TMEFF1: variants seen among roughly 807,000 people sequenced by gnomAD.
TMEFF1 encodes the protein tomoregulin-1.
In TMEFF1, 20 loss-of-function variants were observed where a neutral mutation model predicts 47.5. The observed-to-expected ratio is 0.42, with a 90% CI of 0.30 to 0.61. TMEFF1 has a LOEUF of 0.61. TMEFF1 is among the 20% of genes least tolerant of loss of function. The pLI is 0.19. For synonymous variants in TMEFF1, 162 were observed against 166.3 expected (o/e 0.97, Z 0.20); for missense variants, 411 against 471.1 (o/e 0.87, Z 1.18).
At chr9:100,513,213 A>G (rs1838000294) in intron 3 of TMEFF1, 94 bp from the exon 4 acceptor site, 1 of 1,518,500 alleles carries the variant, frequency 6.6e-7, no homozygotes, top group Non-Finnish European at 8.9e-7. Flanking sequence ...GAGAATGGAT[A>G]TCACAGTTTT....
At chr9:100,548,844 T>G (rs1411447531) in intron 6 of TMEFF1, among the ~76,000 whole-genome samples, 1 of 151,942 alleles carries the variant, frequency 6.6e-6, no homozygotes, top group African/African-American at 2.4e-5. Context: ...AGGAGTTGAG[T>G]GTGGGCATGA....
intron 1 of TMEFF1, among the ~76,000 whole-genome samples, chr9:100,488,795 AG>A (rs1233361488): frequency 1.3e-5 from 2 of 152,208 alleles, no homozygotes; most frequent in South Asian, 2.1e-4. Flanking sequence ...GTCTGATGCC[AG>A]GGTGTCCCTC....
intron 8 of TMEFF1, among the ~76,000 whole-genome samples, chr9:100,568,199 A>G (rs1839161873): frequency 6.6e-6 from 1 of 152,198 alleles, no homozygotes; most frequent in Admixed American, 6.5e-5. Context: ...GGGATGATAT[A>G]TGGCCTATTG....
At chr9:100,519,250 A>G (rs998660211) in intron 5 of TMEFF1, among the ~76,000 whole-genome samples, 4 of 152,038 alleles carry the variant, frequency 2.6e-5, no homozygotes, top group African/African-American at 9.7e-5. Context: ...TCTAATAAAA[A>G]TACAAAAATT....
chr9:100,490,596 AAGG>A (rs1216250557), intron 1 of TMEFF1, among the ~76,000 whole-genome samples: 1 of 152,198 alleles, frequency 6.6e-6, no homozygotes, highest in Admixed American at 6.5e-5. Context: ...ATTATTCTAA[AAGG>A]AGAACTACCA....
chr9:100,547,918 G>T, intron 6 of TMEFF1, 26 bp downstream of exon 6: 2 of 1,525,768 alleles, frequency 1.3e-6, no homozygotes, highest in South Asian at 2.7e-5. Flanking sequence ...TTTATTCAGA[G>T]ACCCATCTTT....
At chr9:100,537,029 A>G (rs76823857) in intron 5 of TMEFF1, among the ~76,000 whole-genome samples, 1,794 of 152,340 alleles carry the variant, frequency 0.012, 42 homozygotes, top group African/African-American at 0.041. Flanking sequence ...AGATTTCAGC[A>G]TGCTGAGATA....
intron 4 of TMEFF1, among the ~76,000 whole-genome samples, chr9:100,515,140 C>CAAACA (rs1295822761): frequency 3.3e-5 from 5 of 152,062 alleles, no homozygotes; most frequent in Non-Finnish European, 5.9e-5. Flanking sequence ...CACCCTGTCT[C>CAAACA]AAACAAAACA....
chr9:100,549,170 G>A (rs138109823), intron 6 of TMEFF1, among the ~76,000 whole-genome samples: 4 of 152,284 alleles, frequency 2.6e-5, no homozygotes, highest in South Asian at 2.1e-4. Context: ...GGCTATACAG[G>A]AAGCATGGCT....
rs75251855 is a variant in TMEFF1 at position 100,521,576 on chromosome 9, A to C, written c.560+4805A>C. 5.1e-3 allele frequency among the ~76,000 whole-genome samples: 783 copies of C among 152,276 alleles called. 5 individuals carry two copies. Among genetic ancestry groups the C allele is most frequent in the African/African-American group, 0.018 (737 of 41,542 alleles). On this transcript the variant is annotated intron_variant, in intron 5 of 9. Transcript: ENST00000374879. ...CCCTCACTTTCTAAACAGTATTTCT[A>C]ATCTGTCCAAGGCCGAAGTTATTGT...
intron 1 of TMEFF1, among the ~76,000 whole-genome samples, chr9:100,484,959 G>A (rs36055955): frequency 0.025 from 3,869 of 152,208 alleles, 64 homozygotes; most frequent in Middle Eastern, 0.034. Flanking sequence ...TTACAGGCAT[G>A]AGCTACCAAC....
At chr9:100,522,176 G>A (rs892341910) in intron 5 of TMEFF1, among the ~76,000 whole-genome samples, 1 of 152,178 alleles carries the variant, frequency 6.6e-6, no homozygotes, top group African/African-American at 2.4e-5. Flanking sequence ...AACTGAAGAA[G>A]TACCTTTTCT....
At chr9:100,565,231 A>G (rs559386929) in intron 8 of TMEFF1, among the ~76,000 whole-genome samples, 2 of 152,244 alleles carry the variant, frequency 1.3e-5, no homozygotes, top group East Asian at 3.9e-4. Context: ...CAATTCTTCT[A>G]TCCCACTAGC....
At chr9:100,521,310 G>A (rs116839532) in intron 5 of TMEFF1, among the ~76,000 whole-genome samples, 32 of 152,138 alleles carry the variant, frequency 2.1e-4, no homozygotes, top group African/African-American at 6.5e-4. Flanking sequence ...TGATGGCATC[G>A]TGGGCTTTGC....
intron 5 of TMEFF1, among the ~76,000 whole-genome samples, chr9:100,527,034 T>C (rs1400079761): frequency 7.0e-6 from 1 of 143,004 alleles, no homozygotes; most frequent in African/African-American, 2.6e-5. Context: ...TTCCAGCTAC[T>C]CTGGAGGCTG....
chr9:100,530,928 C>T (rs1457795485), intron 5 of TMEFF1, among the ~76,000 whole-genome samples: 1 of 151,966 alleles, frequency 6.6e-6, no homozygotes, highest in Non-Finnish European at 1.5e-5. Context: ...AAGGCTGGTT[C>T]AATATACGCA....
At chr9:100,485,023 A>T (rs1400501983) in intron 1 of TMEFF1, among the ~76,000 whole-genome samples, 2 of 152,234 alleles carry the variant, frequency 1.3e-5, no homozygotes, top group Non-Finnish European at 2.9e-5. Context: ...TGGACATTTC[A>T]TATAAATGGA....
chr9:100,475,437 T>C (rs1360703045), intron 1 of TMEFF1, among the ~76,000 whole-genome samples: 1 of 152,232 alleles, frequency 6.6e-6, no homozygotes, highest in Admixed American at 6.5e-5. Context: ...AATCATACTT[T>C]AAGAATAAAA....
Position 100,493,321 on chromosome 9 carries a change from T to C in TMEFF1, c.197-5444T>C, listed in dbSNP as rs117194147. ...TTATTTCCTTTTGGCTCTCCGTGAG[T>C]GTTAGCTAACTCATAAGATCCCCAA... On this transcript the variant is annotated intron_variant, in intron 1 of 9. Coordinates refer to ENST00000374879, the MANE Select transcript of TMEFF1 (RefSeq NM_003692.5). Among the ~76,000 whole-genome samples, 60 of 152,282 alleles carry C rather than the reference T, an allele frequency of 3.9e-4. No individual in the cohort carries two copies. In the East Asian group the frequency reaches 0.01, roughly 25 times the overall value.
Sources: gnomAD v4.1 joint callset for allele counts (sites outside exome capture counted in the v4.1 genomes callset) on GRCh38, gnomAD v4.1.1 for gene constraint, MANE v1.5 for transcripts, NCBI Gene and HGNC (gene_info 2026-07-23, HGNC 2026-07-21) for gene names.